The following PDE7B variants were observed in gnomAD, a reference collection of about 807,000 sequenced individuals.
The protein encoded by PDE7B is 3',5'-cyclic-AMP phosphodiesterase 7B.
Under a neutral mutation model 56.2 loss-of-function variants are expected in PDE7B, and 29 were observed. The ratio of observed to expected loss-of-function variants is 0.52; its 90% CI spans 0.38 to 0.70. PDE7B has a LOEUF of 0.70. Ranked by LOEUF, PDE7B falls within the 30% of genes least tolerant of loss-of-function variation. The pLI is 0.00. For synonymous variants in PDE7B, 197 were observed against 196.9 expected, an observed-to-expected ratio of 1.00 and a Z score of 0.00; for missense variants, 490 against 565.0, an observed-to-expected ratio of 0.87 and a Z score of 1.35.
intron 2 of PDE7B, among the ~76,000 whole-genome samples, chr6:135,951,642 A>G (rs909024770): frequency 1.3e-5 from 2 of 152,132 alleles, no homozygotes; most frequent in African/African-American, 4.8e-5. Flanking sequence ...TATTATTAGA[A>G]TGGGATTTTT....
chr6:136,176,908 A>T (rs1017465661), intron 9 of PDE7B, among the ~76,000 whole-genome samples: 1 of 152,170 alleles, frequency 6.6e-6, no homozygotes, highest in Non-Finnish European at 1.5e-5. Flanking sequence ...GCTTTCTGCT[A>T]TACTAAGAAT....
intron 2 of PDE7B, among the ~76,000 whole-genome samples, chr6:136,001,124 C>A (rs1315669590): frequency 6.6e-6 from 1 of 152,210 alleles, no homozygotes; most frequent in Non-Finnish European, 1.5e-5. Flanking sequence ...CTCCAACAGA[C>A]CTGCAGCTGA....
intron 8 of PDE7B, chr6:136,162,372 C>G (rs570148134): frequency 1.3e-5 from 2 of 152,164 alleles, no homozygotes; most frequent in African/African-American, 4.8e-5. Context: ...AAAAAAAACC[C>G]TTATAAAACC....
At chr6:136,141,805 C>A (rs541089706) in intron 3 of PDE7B, among the ~76,000 whole-genome samples, 1 of 152,070 alleles carries the variant, frequency 6.6e-6, no homozygotes, top group Non-Finnish European at 1.5e-5. Context: ...GGGATCGGTG[C>A]TGATATCCCC....
intron 2 of PDE7B, among the ~76,000 whole-genome samples, chr6:136,016,374 T>G (rs997325628): frequency 2.6e-5 from 4 of 152,226 alleles, no homozygotes; most frequent in African/African-American, 9.6e-5. Flanking sequence ...TTGTGTGAAG[T>G]TCAACTAGTA....
intron 2 of PDE7B, among the ~76,000 whole-genome samples, chr6:136,081,982 T>C (rs1360457970): frequency 1.3e-5 from 2 of 152,226 alleles, no homozygotes; most frequent in Non-Finnish European, 2.9e-5. Flanking sequence ...AGTTCATGAC[T>C]CACTGAGTCA....
intron 1 of PDE7B, among the ~76,000 whole-genome samples, chr6:135,916,255 C>T (rs1036053916): frequency 2.0e-5 from 3 of 152,064 alleles, no homozygotes; most frequent in Non-Finnish European, 4.4e-5. Context: ...TTTAGCCATT[C>T]TAATGGGTGT....
At chr6:136,123,177 T>G (rs1777967097) in intron 3 of PDE7B, among the ~76,000 whole-genome samples, 1 of 152,026 alleles carries the variant, frequency 6.6e-6, no homozygotes, top group South Asian at 2.1e-4. Flanking sequence ...ATAGCAAGAC[T>G]CTATCTCTAC....
intron 1 of PDE7B, among the ~76,000 whole-genome samples, chr6:135,906,825 T>TTTTTTTTTGTTTTTTTTTTTTTG (rs1776120730): frequency 1.4e-5 from 2 of 145,782 alleles, no homozygotes; most frequent in African/African-American, 5.2e-5. Flanking sequence ...TTTTTTTTTT[T>TTTTTTTTTGTTTTTTTTTTTTTG]TTTTTTTTTT....
chr6:135,879,320 T>A (rs1268445548), intron 1 of PDE7B, among the ~76,000 whole-genome samples: 2 of 152,124 alleles, frequency 1.3e-5, no homozygotes, highest in Non-Finnish European at 2.9e-5. Flanking sequence ...AGGGAACAGA[T>A]AACAAGTCTC....
At chr6:135,985,423 A>G (rs1775361334) in intron 2 of PDE7B, among the ~76,000 whole-genome samples, 1 of 152,158 alleles carries the variant, frequency 6.6e-6, no homozygotes, top group African/African-American at 2.4e-5. Flanking sequence ...GTTTTCCATC[A>G]TTTTTTCTAC....
chr6:135,893,535 A>G (rs1282878864), intron 1 of PDE7B, among the ~76,000 whole-genome samples: 4 of 152,084 alleles, frequency 2.6e-5, no homozygotes, highest in Admixed American at 1.3e-4. Flanking sequence ...GAGGATGTGG[A>G]GAAATAGGAA....
chr6:136,037,818 CAA>C (rs1478454482), intron 2 of PDE7B: 2 of 985,200 alleles, frequency 2.0e-6, no homozygotes, highest in Middle Eastern at 5.2e-4. Flanking sequence ...TGACAAGCAC[CAA>C]AAGAGAATTG....
chr6:135,962,143 A>C (rs139907329), intron 2 of PDE7B, among the ~76,000 whole-genome samples: 3 of 152,210 alleles, frequency 2.0e-5, no homozygotes, highest in East Asian at 1.9e-4. Flanking sequence ...CCCTAAAAAA[A>C]CCAAAGACTT....
At position 135,991,691 on chromosome 6, in the gene PDE7B, C is replaced by T. The variant is rs75419943; in HGVS notation, c.82+44167C>T. ...AATTTTTCTTCGAATGCTTTTTAGT[C>T]ATGCATAAAAAATTGCTTTTTAAGT... On this transcript the variant is annotated intron_variant, in intron 2 of 12. Coordinates refer to ENST00000308191, the MANE Select transcript of PDE7B (RefSeq NM_018945.4). Among the ~76,000 whole-genome samples, 1,244 of 152,138 alleles carry T rather than the reference C, an allele frequency of 8.2e-3. 6 individuals carry two copies. Among genetic ancestry groups the T allele is most frequent in the Non-Finnish European group, 0.014 (985 of 67,988 alleles).
At chr6:136,083,745 T>C (rs2128215394) in intron 2 of PDE7B, among the ~76,000 whole-genome samples, 1 of 152,314 alleles carries the variant, frequency 6.6e-6, no homozygotes, top group Admixed American at 6.5e-5. Context: ...AACAGCTGAA[T>C]TATGATTGGC....
chr6:136,009,334 A>G (rs1775847035), intron 2 of PDE7B, among the ~76,000 whole-genome samples: 1 of 152,058 alleles, frequency 6.6e-6, no homozygotes, highest in African/African-American at 2.4e-5. Context: ...TTTTGGTTCC[A>G]TATGAACTTT....
intron 1 of PDE7B, among the ~76,000 whole-genome samples, chr6:135,855,227 A>G (rs1386592586): frequency 6.6e-6 from 1 of 152,218 alleles, no homozygotes; most frequent in East Asian, 1.9e-4. Flanking sequence ...AACTCCATTT[A>G]CATGTAAATG....
intron 1 of PDE7B, among the ~76,000 whole-genome samples, chr6:135,898,072 G>A (rs554911918): frequency 1.4e-3 from 208 of 152,252 alleles, no homozygotes; most frequent in Non-Finnish European, 2.4e-3. Flanking sequence ...TTACTGATTC[G>A]AACTATGTCA....
Sources: gnomAD v4.1 joint callset for allele counts (sites outside exome capture counted in the v4.1 genomes callset) on GRCh38, gnomAD v4.1.1 for gene constraint, MANE v1.5 for transcripts, NCBI Gene and HGNC (gene_info 2026-07-23, HGNC 2026-07-21) for gene names.